The following CRACD variants were observed in gnomAD, a reference collection of about 807,000 sequenced individuals.
The protein encoded by CRACD is capping protein inhibiting regulator of actin dynamics.
In CRACD, 56 loss-of-function variants were observed where a neutral mutation model predicts 106.8. The ratio of observed to expected loss-of-function variants is 0.52; its 90% CI spans 0.42 to 0.66. The LOEUF is 0.66. Among genes scored for constraint, CRACD ranks in the 30% least tolerant of loss-of-function variants. CRACD has a pLI of 0.00. For missense variants in CRACD, 1,730 were observed against 1,623.2 expected, an observed-to-expected ratio of 1.07 and a Z score of -1.13; for synonymous variants, 754 against 670.8, an observed-to-expected ratio of 1.12 and a Z score of -1.92.
At chr4:56,073,914 T>C (rs540313282) in intron 1 of CRACD, among the ~76,000 whole-genome samples, 27 of 152,312 alleles carry the variant, frequency 1.8e-4, no homozygotes, top group African/African-American at 6.3e-4. Flanking sequence ...TTCAGTTTTC[T>C]GCATATGGCT....
intron 3 of CRACD, among the ~76,000 whole-genome samples, chr4:56,289,744 CAA>C (rs1024553764): frequency 6.6e-6 from 1 of 151,706 alleles, no homozygotes; most frequent in African/African-American, 2.4e-5. Context: ...ATAACATTTG[CAA>C]TCGTGGGTGA....
At chr4:56,088,917 G>T (rs532846913) in intron 1 of CRACD, among the ~76,000 whole-genome samples, 14 of 152,224 alleles carry the variant, frequency 9.2e-5, no homozygotes, top group African/African-American at 3.1e-4. Context: ...GTAGAGACAG[G>T]TTTCGCCATG....
intron 1 of CRACD, among the ~76,000 whole-genome samples, chr4:56,054,651 A>T (rs1731992541): frequency 6.6e-6 from 1 of 152,256 alleles, no homozygotes; most frequent in Non-Finnish European, 1.5e-5. Flanking sequence ...TCTCTAAAGT[A>T]AAGAAATACA....
intron 1 of CRACD, among the ~76,000 whole-genome samples, chr4:56,110,178 A>G (rs1269160732): frequency 2.0e-5 from 3 of 152,240 alleles, no homozygotes. Flanking sequence ...ACACATAGAT[A>G]TAAGAAGGCA....
chr4:56,185,528 T>G (rs539092815), intron 2 of CRACD, among the ~76,000 whole-genome samples: 5 of 152,334 alleles, frequency 3.3e-5, no homozygotes, highest in African/African-American at 9.6e-5. Flanking sequence ...TTTTTCAATC[T>G]TCTCCTGTCA....
chr4:56,060,428 A>C (rs1732232834), intron 1 of CRACD, among the ~76,000 whole-genome samples: 1 of 152,168 alleles, frequency 6.6e-6, no homozygotes, highest in African/African-American at 2.4e-5. Flanking sequence ...GGAAGCTCAC[A>C]GAGGAAGTGA....
chr4:56,291,223 T>C (rs1743684623), intron 3 of CRACD, among the ~76,000 whole-genome samples: 2 of 152,170 alleles, frequency 1.3e-5, no homozygotes, highest in Admixed American at 1.3e-4. Flanking sequence ...CCCTCTCTCT[T>C]GGTTCCCTCT....
intron 1 of CRACD, among the ~76,000 whole-genome samples, chr4:56,081,911 G>A (rs1027526106): frequency 6.6e-6 from 1 of 152,110 alleles, no homozygotes; most frequent in African/African-American, 2.4e-5. Flanking sequence ...GGGAGGCAAA[G>A]TTGGAGTGAG....
At chr4:56,321,554 C>A (rs1167528040) in intron 8 of CRACD, among the ~76,000 whole-genome samples, 3 of 152,144 alleles carry the variant, frequency 2.0e-5, no homozygotes, top group African/African-American at 7.2e-5. Flanking sequence ...CTATAGAAAT[C>A]ATTTAGATCT....
intron 1 of CRACD, among the ~76,000 whole-genome samples, chr4:56,153,897 A>T (rs1446333977): frequency 6.6e-6 from 1 of 152,170 alleles, no homozygotes; most frequent in Non-Finnish European, 1.5e-5. Flanking sequence ...GTCTTCCCCA[A>T]TTATGCAAGT....
chr4:56,053,979 A>T (rs1162818711), intron 1 of CRACD, among the ~76,000 whole-genome samples: 1 of 152,136 alleles, frequency 6.6e-6, no homozygotes, highest in Non-Finnish European at 1.5e-5. Context: ...AGCTAATGAA[A>T]TTGTGTAAAG....
intron 2 of CRACD, among the ~76,000 whole-genome samples, chr4:56,255,474 G>A (rs1577810959): frequency 1.4e-5 from 2 of 145,840 alleles, no homozygotes; most frequent in South Asian, 4.3e-4. Context: ...TGGAGACACT[G>A]ACTCTTTAAA....
chr4:56,157,661 T>G (rs1341782322), intron 1 of CRACD, among the ~76,000 whole-genome samples: 1 of 152,198 alleles, frequency 6.6e-6, no homozygotes, highest in Non-Finnish European at 1.5e-5. Context: ...AGGATGATAC[T>G]ATGAAAGAAA....
At chr4:56,224,987 G>C (rs1488436969) in intron 2 of CRACD, among the ~76,000 whole-genome samples, 2 of 152,202 alleles carry the variant, frequency 1.3e-5, no homozygotes, top group African/African-American at 4.8e-5. Flanking sequence ...TAGCCCATGT[G>C]CCCTTCAGTG....
At position 56,316,320 on chromosome 4, in the gene CRACD, A is replaced by G. The variant is rs1560539291; in HGVS notation, c.2818A>G (p.Ser940Gly). The change falls in exon 8 of 11, where the codon AGC (serine) becomes GGC (glycine). Residue 940 changes from serine to glycine, a missense_variant. Transcript: ENST00000682029. Reference protein sequence around the residue: ...PVAHPGPPPASSQTPAPEHDK... With the variant: ...PVAHPGPPPAGSQTPAPEHDK... ...GGCCCACCCTGGGCCTCCACCGGCC[A>G]GCAGCCAGACCCCGGCTCCGGAGCA... 1 of 1,614,006 alleles carries G rather than the reference A, an allele frequency of 6.2e-7. No individual in the cohort carries two copies. Among genetic ancestry groups the G allele is most frequent in the Non-Finnish European group, 8.5e-7 (1 of 1,179,912 alleles).
chr4:56,190,748 C>G (rs1028219596), intron 2 of CRACD, among the ~76,000 whole-genome samples: 13 of 152,106 alleles, frequency 8.5e-5, no homozygotes, highest in African/African-American at 2.4e-4. Context: ...ATCTACTATT[C>G]TGGGATCTGG....
intron 3 of CRACD, among the ~76,000 whole-genome samples, chr4:56,295,648 G>A (rs1743966132): frequency 7.5e-6 from 1 of 132,886 alleles, no homozygotes; most frequent in Non-Finnish European, 1.6e-5. Flanking sequence ...ACAACTGTGA[G>A]AAATTAGTAA....
intron 1 of CRACD, among the ~76,000 whole-genome samples, chr4:56,174,203 C>T (rs541465460): frequency 2.3e-4 from 35 of 152,138 alleles, no homozygotes; most frequent in African/African-American, 8.4e-4. Context: ...TTATGGGGTA[C>T]ATGGGATATT....
chr4:56,185,542 T>C (rs1351192792), intron 2 of CRACD, among the ~76,000 whole-genome samples: 2 of 152,264 alleles, frequency 1.3e-5, no homozygotes, highest in Admixed American at 6.5e-5. Context: ...CCTGTCATTT[T>C]GCTGGGAGAG....
Sources: allele counts gnomAD v4.1 joint callset (sites outside exome capture counted in the v4.1 genomes callset), GRCh38; gene constraint gnomAD v4.1.1; transcripts MANE v1.5; gene names NCBI Gene and HGNC (gene_info 2026-07-23, HGNC 2026-07-21).